Variants in GEMIN8 observed in about 807,000 individuals in gnomAD.
GEMIN8 encodes the protein gem-associated protein 8.
For synonymous variants in GEMIN8, 80 were observed against 78.5 expected (o/e 1.02, Z -0.10); for missense variants, 185 against 205.9 (o/e 0.90, Z 0.62).
At chrX:14,010,442 A>AT (rs778650439) in intron 4 of GEMIN8, among the ~76,000 whole-genome samples, 26 of 112,083 alleles carry the variant, frequency 2.3e-4, no homozygotes, top group Non-Finnish European at 4.1e-4. Context: ...ACACCACGAG[A>AT]TAAGGAGTGA....
At chrX:13,996,642 A>T in the GEMIN8 span, among the ~76,000 whole-genome samples, 1 of 112,108 alleles carries the variant, frequency 8.9e-6, no homozygotes, top group Admixed American at 9.5e-5. Flanking sequence ...TTGGCAAAGA[A>T]ATAGAATCTT....
chrX:14,024,158 G>A (rs895971833), intron 2 of GEMIN8, among the ~76,000 whole-genome samples: 5 of 112,125 alleles, frequency 4.5e-5, no homozygotes, highest in African/African-American at 1.6e-4. Context: ...GGAGTTCAAG[G>A]GTAATTGATG....
At chrX:13,987,353 T>C in the GEMIN8 span, among the ~76,000 whole-genome samples, 1 of 112,504 alleles carries the variant, frequency 8.9e-6, no homozygotes, top group Admixed American at 9.4e-5. Context: ...GTAAATTTAC[T>C]AGAATCATGA....
intron 4 of GEMIN8, chrX:14,014,335 GC>G (rs1225749472): frequency 1.7e-5 from 13 of 749,106 alleles, no homozygotes; most frequent in Non-Finnish European, 2.0e-5. Context: ...ACAGGTACAT[GC>G]CAGCAGAACT....
chrX:13,996,933 CT>C, the GEMIN8 span, among the ~76,000 whole-genome samples: 2,090 of 66,775 alleles, frequency 0.031, 51 homozygotes, highest in African/African-American at 0.12. Flanking sequence ...TGTGGCTTGT[CT>C]TTTTTTTTTT....
At chrX:14,013,109 A>G (rs968613705) in intron 4 of GEMIN8, among the ~76,000 whole-genome samples, 1 of 112,205 alleles carries the variant, frequency 8.9e-6, no homozygotes, top group African/African-American at 3.3e-5. Flanking sequence ...GTTTGAAGGC[A>G]TCCACTCATT....
At chrX:14,002,556 C>T (rs1018925870), downstream of GEMIN8, among the ~76,000 whole-genome samples, 2 of 111,333 alleles carry the variant, frequency 1.8e-5, no homozygotes, top group East Asian at 2.8e-4. Flanking sequence ...GGTGCAATCT[C>T]GGCTCACTGC....
chrX:14,006,107 C>T (rs1474879213), downstream of GEMIN8, among the ~76,000 whole-genome samples: 1 of 108,003 alleles, frequency 9.3e-6, no homozygotes, highest in Non-Finnish European at 1.9e-5. Flanking sequence ...CGGCTCACTG[C>T]AACCTCTGCC....
chrX:14,013,156 C>G (rs1461356350), intron 4 of GEMIN8, among the ~76,000 whole-genome samples: 1 of 111,795 alleles, frequency 8.9e-6, no homozygotes, highest in Non-Finnish European at 1.9e-5. Flanking sequence ...TTCCTTCCAA[C>G]GAAAACGGAT....
At chrX:14,023,879 A>G (rs1006248833) in intron 2 of GEMIN8, among the ~76,000 whole-genome samples, 1 of 112,509 alleles carries the variant, frequency 8.9e-6, no homozygotes, top group Non-Finnish European at 1.9e-5. Flanking sequence ...ACTTCTTTCT[A>G]CGCATCATAA....
intron 4 of GEMIN8, chrX:14,014,373 C>A (rs1407137449): frequency 2.7e-6 from 2 of 752,818 alleles, no homozygotes; most frequent in Non-Finnish European, 3.1e-6. Flanking sequence ...GGTCTTCTCT[C>A]TTCGTCGCAC....
At chrX:14,016,338 T>A (rs192777144) in intron 4 of GEMIN8, among the ~76,000 whole-genome samples, 1 of 112,261 alleles carries the variant, frequency 8.9e-6, no homozygotes, top group African/African-American at 3.2e-5. Context: ...GTGGGTTAAT[T>A]TTCCCAGTCC....
chrX:14,001,772 G>C (rs1047834706), downstream of GEMIN8, among the ~76,000 whole-genome samples: 2 of 109,756 alleles, frequency 1.8e-5, no homozygotes, highest in African/African-American at 6.6e-5. Context: ...CGGCCTCCCA[G>C]AGTGTTGGGA....
intron 4 of GEMIN8, among the ~76,000 whole-genome samples, chrX:14,017,670 G>A (rs985226345): frequency 8.9e-6 from 1 of 112,149 alleles, no homozygotes; most frequent in African/African-American, 3.2e-5. Context: ...CCTTCTGGAT[G>A]TTCCTTGGAT....
At chrX:13,987,079 C>T in the GEMIN8 span, among the ~76,000 whole-genome samples, 1 of 111,257 alleles carries the variant, frequency 9.0e-6, no homozygotes, top group African/African-American at 3.3e-5. Flanking sequence ...TTGTCATTGG[C>T]TACCCTGTGT....
the GEMIN8 span, among the ~76,000 whole-genome samples, chrX:13,989,053 G>C: frequency 1.8e-5 from 2 of 110,177 alleles, no homozygotes; most frequent in Non-Finnish European, 3.8e-5. Flanking sequence ...AGCAGGTTGA[G>C]AGTTAAAGCT....
chrX:14,010,417 T>C (rs780257104), intron 4 of GEMIN8, among the ~76,000 whole-genome samples: 1 of 111,921 alleles, frequency 8.9e-6, no homozygotes, highest in Non-Finnish European at 1.9e-5. Flanking sequence ...ACGGCTACTA[T>C]GGCTATCAAG....
chrX:13,984,653 A>G, the GEMIN8 span, among the ~76,000 whole-genome samples: 1 of 112,156 alleles, frequency 8.9e-6, no homozygotes, highest in Non-Finnish European at 1.9e-5. Context: ...ACTCTCAGTA[A>G]GTACTTGAGA....
chrX:14,018,487 T>TA (rs1321576152), intron 4 of GEMIN8, among the ~76,000 whole-genome samples: 27 of 111,966 alleles, frequency 2.4e-4, no homozygotes, highest in African/African-American at 8.4e-4. Flanking sequence ...TACTTTCTGG[T>TA]AAGGACAAGA....
Sources: gnomAD v4.1 joint callset for allele counts (sites outside exome capture counted in the v4.1 genomes callset) on GRCh38, gnomAD v4.1.1 for gene constraint, MANE v1.5 for transcripts, NCBI Gene and HGNC (gene_info 2026-07-23, HGNC 2026-07-21) for gene names.